Variants in AIM2 observed in about 807,000 individuals in gnomAD.
AIM2 encodes the protein absent in melanoma 2.
AIM2 carries 30 observed loss-of-function variants against 27.7 expected under a neutral mutation model. That is an observed-to-expected ratio of 1.08 (90% CI 0.81 to 1.47). The LOEUF is 1.47. Ranked by LOEUF, AIM2 falls within the 40% of genes most tolerant of loss-of-function variation. The pLI is 0.00. For synonymous variants in AIM2, 141 were observed against 145.3 expected (o/e 0.97, Z 0.21); for missense variants, 358 against 411.3 (o/e 0.87, Z 1.12).
intron 1 of AIM2, among the ~76,000 whole-genome samples, chr1:159,118,271 T>A (rs1424488234): frequency 6.6e-6 from 1 of 152,204 alleles, no homozygotes; most frequent in Non-Finnish European, 1.5e-5. Flanking sequence ...TGGTTTTGTA[T>A]CCCCTTGACA....
At chr1:159,139,542 A>C (rs1335217440) in intron 1 of AIM2, among the ~76,000 whole-genome samples, 3 of 152,192 alleles carry the variant, frequency 2.0e-5, no homozygotes. Flanking sequence ...TTAATACATA[A>C]GCAAATTAAA....
chr1:159,093,994 C>G (rs1391290853), intron 1 of AIM2, among the ~76,000 whole-genome samples: 1 of 151,846 alleles, frequency 6.6e-6, no homozygotes, highest in Non-Finnish European at 1.5e-5. Flanking sequence ...CCTGCCTCGG[C>G]CTCCTAAAGT....
intron 1 of AIM2, among the ~76,000 whole-genome samples, chr1:159,076,269 C>T (rs1656606150): frequency 6.6e-6 from 1 of 152,144 alleles, no homozygotes; most frequent in Admixed American, 6.5e-5. Context: ...ATGTGATTGA[C>T]TCAGTTTTTT....
At chr1:159,104,907 TGTGAAATATAA>T (rs1365866011) in intron 1 of AIM2, among the ~76,000 whole-genome samples, 1 of 152,190 alleles carries the variant, frequency 6.6e-6, no homozygotes, top group East Asian at 1.9e-4. Flanking sequence ...ATAGAGTTGG[TGTGAAATATAA>T]GTGAATTATA....
intron 1 of AIM2, among the ~76,000 whole-genome samples, chr1:159,083,500 G>A (rs1656829566): frequency 6.6e-6 from 1 of 152,272 alleles, no homozygotes; most frequent in African/African-American, 2.4e-5. Flanking sequence ...TCAATCAATA[G>A]TAATATATTA....
At chr1:159,128,871 T>C (rs1465731236) in intron 1 of AIM2, among the ~76,000 whole-genome samples, 1 of 152,208 alleles carries the variant, frequency 6.6e-6, no homozygotes, top group Non-Finnish European at 1.5e-5. Context: ...TCCCTCTACA[T>C]TGGGACACAT....
upstream of AIM2, among the ~76,000 whole-genome samples, chr1:159,145,423 G>T (rs1177134442): frequency 2.0e-5 from 3 of 152,286 alleles, no homozygotes; most frequent in African/African-American, 7.2e-5. Flanking sequence ...ACTGCAGATT[G>T]TTCCTTTCTC....
chr1:159,134,528 C>T (rs1477658852), intron 1 of AIM2, among the ~76,000 whole-genome samples: 1 of 152,206 alleles, frequency 6.6e-6, no homozygotes, highest in Non-Finnish European at 1.5e-5. Flanking sequence ...TGAAACCAAA[C>T]TCGCTTTACA....
downstream of AIM2, among the ~76,000 whole-genome samples, chr1:159,061,558 ATTTTTTTTTTTTTT>A (rs945588968): frequency 1.2e-5 from 1 of 83,110 alleles, no homozygotes; most frequent in African/African-American, 5.5e-5. Flanking sequence ...GTGCCCGGCT[ATTTTTTTTTTTTTT>A]TTTTTTTTTT....
chr1:159,064,214 C>G (rs1655978634), intron 4 of AIM2, among the ~76,000 whole-genome samples: 1 of 152,172 alleles, frequency 6.6e-6, no homozygotes. Context: ...AATGTTTCTG[C>G]TTTGAAACTA....
At chr1:159,131,525 T>G (rs1460844041) in intron 1 of AIM2, among the ~76,000 whole-genome samples, 2 of 152,202 alleles carry the variant, frequency 1.3e-5, no homozygotes, top group Non-Finnish European at 2.9e-5. Flanking sequence ...TTTAGTAGCG[T>G]GATGCAAGGA....
At chr1:159,144,906 A>C (rs1338816788), upstream of AIM2, among the ~76,000 whole-genome samples, 1 of 152,194 alleles carries the variant, frequency 6.6e-6, no homozygotes, top group African/African-American at 2.4e-5. Flanking sequence ...GGGCTATCGC[A>C]TGGAGTAAGA....
chr1:159,084,539 A>C (rs1656855511), intron 1 of AIM2, among the ~76,000 whole-genome samples: 1 of 152,162 alleles, frequency 6.6e-6, no homozygotes. Flanking sequence ...TGGGAGGCCA[A>C]GGCGGGGGAA....
chr1:159,146,518 C>A (rs751022690), intron 1 of AIM2, among the ~76,000 whole-genome samples: 2 of 152,162 alleles, frequency 1.3e-5, no homozygotes, highest in African/African-American at 4.8e-5. Flanking sequence ...CCTCTGTCCA[C>A]GCCTTTGCTC....
chr1:159,055,537 G>T, the AIM2 span, among the ~76,000 whole-genome samples: 1 of 152,110 alleles, frequency 6.6e-6, no homozygotes. Flanking sequence ...GGAATATCTG[G>T]GCCTGCCTGA....
At chr1:159,066,399 T>C (rs1487509500) in intron 3 of AIM2, 70 bp from the exon 4 acceptor site, 8 of 1,488,694 alleles carry the variant, frequency 5.4e-6, no homozygotes, top group Non-Finnish European at 6.3e-6. Context: ...TTACTTCACC[T>C]ACAGTGCTAA....
intron 1 of AIM2, among the ~76,000 whole-genome samples, chr1:159,130,570 C>T (rs1263312807): frequency 6.6e-6 from 1 of 152,044 alleles, no homozygotes; most frequent in Non-Finnish European, 1.5e-5. Context: ...CTCCTTTTCC[C>T]TTTGCCTCTT....
the AIM2 span, among the ~76,000 whole-genome samples, chr1:159,056,582 G>C: frequency 6.6e-6 from 1 of 151,756 alleles, no homozygotes; most frequent in South Asian, 2.1e-4. Context: ...GAGTTTGATG[G>C]CCTGAAGGCA....
intron 1 of AIM2, among the ~76,000 whole-genome samples, chr1:159,125,290 C>T (rs769386346): frequency 3.4e-4 from 51 of 152,162 alleles, no homozygotes; most frequent in Non-Finnish European, 1.2e-4. Flanking sequence ...CCTACCTAAC[C>T]GTAGGCACAT....
Sources: allele counts gnomAD v4.1 joint callset (sites outside exome capture counted in the v4.1 genomes callset), GRCh38; gene constraint gnomAD v4.1.1; transcripts MANE v1.5; gene names NCBI Gene and HGNC (gene_info 2026-07-23, HGNC 2026-07-21).